LRRC4C: variants seen among roughly 807,000 people sequenced by gnomAD.
LRRC4C encodes leucine rich repeat containing 4C, also known as leucine-rich repeat-containing protein 4C.
Under a neutral mutation model 33.6 loss-of-function variants are expected in LRRC4C, and 5 were observed. The observed-to-expected ratio is 0.15, with a 90% CI of 0.08 to 0.31. The LOEUF (loss-of-function observed/expected upper bound fraction) is 0.31, where lower values mean the gene tolerates loss of function less well. LRRC4C is among the 10% of genes least tolerant of loss of function. LRRC4C has a pLI of 1.00. For missense variants in LRRC4C, 560 were observed against 796.7 expected (o/e 0.70, Z 3.58); for synonymous variants, 329 against 302.0 (o/e 1.09, Z -0.93).
intron 5 of LRRC4C, among the ~76,000 whole-genome samples, chr11:40,150,227 T>C (rs555964435): frequency 9.2e-5 from 14 of 152,330 alleles, no homozygotes; most frequent in African/African-American, 3.4e-4. Flanking sequence ...TAATCCAGGA[T>C]GATCTAATCT....
intron 3 of LRRC4C, among the ~76,000 whole-genome samples, chr11:40,573,966 T>A (rs919584390): frequency 2.0e-5 from 3 of 152,228 alleles, no homozygotes; most frequent in Non-Finnish European, 4.4e-5. Flanking sequence ...TTAGGTTTTT[T>A]AAAATTCCCT....
chr11:41,116,709 T>C (rs1590644429), intron 1 of LRRC4C, among the ~76,000 whole-genome samples: 1 of 152,130 alleles, frequency 6.6e-6, no homozygotes, highest in East Asian at 1.9e-4. Context: ...ATTAATTTGA[T>C]GCTATCCTGA....
At chr11:41,312,225 T>A (rs1950662570) in intron 1 of LRRC4C, among the ~76,000 whole-genome samples, 1 of 152,226 alleles carries the variant, frequency 6.6e-6, no homozygotes, top group South Asian at 2.1e-4. Flanking sequence ...AGTTTCTATA[T>A]TCTACATTCT....
At chr11:41,260,266 G>A (rs1253086896) in intron 1 of LRRC4C, among the ~76,000 whole-genome samples, 1 of 152,000 alleles carries the variant, frequency 6.6e-6, no homozygotes, top group Non-Finnish European at 1.5e-5. Flanking sequence ...ACTCACAAAA[G>A]TTTACAAGAG....
chr11:41,284,393 T>G (rs1949760572), intron 1 of LRRC4C, among the ~76,000 whole-genome samples: 1 of 152,186 alleles, frequency 6.6e-6, no homozygotes. Context: ...CTCTCACACT[T>G]TTTTTACAAT....
At chr11:41,413,440 T>C (rs1490091362) in intron 1 of LRRC4C, among the ~76,000 whole-genome samples, 1 of 152,190 alleles carries the variant, frequency 6.6e-6, no homozygotes, top group East Asian at 1.9e-4. Flanking sequence ...TTGTTCAAAG[T>C]TAGCTATTGT....
chr11:41,113,252 C>T (rs1941944457), intron 1 of LRRC4C, among the ~76,000 whole-genome samples: 1 of 151,910 alleles, frequency 6.6e-6, no homozygotes, highest in Admixed American at 6.6e-5. Context: ...GCAAAAATGT[C>T]AATTGCATGA....
At chr11:40,884,602 G>A (rs1955345969) in intron 2 of LRRC4C, among the ~76,000 whole-genome samples, 1 of 152,048 alleles carries the variant, frequency 6.6e-6, no homozygotes, top group South Asian at 2.1e-4. Context: ...TGAAGCAGTA[G>A]GGAATGTGTT....
chr11:40,479,208 A>G (rs759711682), intron 3 of LRRC4C, among the ~76,000 whole-genome samples: 2 of 152,226 alleles, frequency 1.3e-5, no homozygotes, highest in African/African-American at 2.4e-5. Flanking sequence ...GTATTACATT[A>G]TAATCCTATT....
intron 1 of LRRC4C, among the ~76,000 whole-genome samples, chr11:41,114,111 T>A (rs1941992546): frequency 6.6e-6 from 1 of 152,064 alleles, no homozygotes; most frequent in South Asian, 2.1e-4. Context: ...ATATAGGACC[T>A]TATATTTGAG....
rs565073241 is a variant in LRRC4C, at chr11:40,836,861, C to T, written c.-407+96774G>A. Reference sequence around the variant, plus strand: ...AAGTGACCATTATTGTTATTATTACCTCATCCACCATTATCATCTTTATTA... The same window carrying T: ...AAGTGACCATTATTGTTATTATTACTTCATCCACCATTATCATCTTTATTA... On this transcript the variant is annotated intron_variant, in intron 2 of 6. Coordinates refer to ENST00000528697, the MANE Select transcript of LRRC4C (RefSeq NM_001258419.2). 3.3e-4 allele frequency among the ~76,000 whole-genome samples: 50 copies of T among 152,200 alleles called. No homozygotes were observed. The South Asian group carries it at 0.01, about 31-fold the overall frequency.
intron 1 of LRRC4C, among the ~76,000 whole-genome samples, chr11:41,150,856 A>G (rs1161089744): frequency 6.6e-6 from 1 of 152,034 alleles, no homozygotes; most frequent in Non-Finnish European, 1.5e-5. Context: ...CTTTTTCCTT[A>G]GTAGGAAAGC....
At chr11:40,967,618 G>A (rs970868577) in intron 1 of LRRC4C, among the ~76,000 whole-genome samples, 5 of 151,596 alleles carry the variant, frequency 3.3e-5, no homozygotes, top group Non-Finnish European at 4.4e-5. Flanking sequence ...GTGATCTATG[G>A]TCAGTGATTT....
chr11:41,128,304 G>T (rs1019305368), intron 1 of LRRC4C, among the ~76,000 whole-genome samples: 2 of 151,820 alleles, frequency 1.3e-5, no homozygotes, highest in Non-Finnish European at 2.9e-5. Flanking sequence ...TTCTAAACTT[G>T]TCTAGTAGTG....
At chr11:40,486,220 C>T (rs1362175783) in intron 3 of LRRC4C, among the ~76,000 whole-genome samples, 2 of 150,286 alleles carry the variant, frequency 1.3e-5, no homozygotes, top group African/African-American at 4.9e-5. Context: ...ACCATATGGG[C>T]CTTCTGACAG....
At chr11:40,123,858 C>A (rs1010786535) in intron 6 of LRRC4C, among the ~76,000 whole-genome samples, 3 of 152,028 alleles carry the variant, frequency 2.0e-5, no homozygotes, top group African/African-American at 7.2e-5. Flanking sequence ...GCTATAGTAA[C>A]CAAAACAGCA....
At chr11:41,102,022 A>T (rs191342004) in intron 1 of LRRC4C, among the ~76,000 whole-genome samples, 13 of 152,192 alleles carry the variant, frequency 8.5e-5, no homozygotes, top group African/African-American at 2.9e-4. Context: ...AGAAAAAAAT[A>T]ACTATTGAAT....
chr11:41,403,661 C>A (rs572152128), intron 1 of LRRC4C, among the ~76,000 whole-genome samples: 2 of 152,166 alleles, frequency 1.3e-5, no homozygotes, highest in South Asian at 4.1e-4. Flanking sequence ...TTGGCTCTTC[C>A]CTGAGGGTGC....
intron 1 of LRRC4C, among the ~76,000 whole-genome samples, chr11:41,163,900 CTG>C (rs1340870429): frequency 1.3e-5 from 2 of 152,126 alleles, no homozygotes; most frequent in East Asian, 3.9e-4. Context: ...GCATGAGATG[CTG>C]CACCTGGCCA....
Sources: allele counts gnomAD v4.1 joint callset (sites outside exome capture counted in the v4.1 genomes callset), GRCh38; gene constraint gnomAD v4.1.1; transcripts MANE v1.5; gene names NCBI Gene and HGNC (gene_info 2026-07-23, HGNC 2026-07-21).